Variants in IMMP2L observed in about 807,000 individuals in gnomAD.
The protein encoded by IMMP2L is mitochondrial inner membrane protease subunit 2.
A neutral mutation model predicts 19.3 loss-of-function variants in IMMP2L; 18 were observed. That is an observed-to-expected ratio of 0.93 (90% CI 0.64 to 1.38). IMMP2L has a LOEUF of 1.38. IMMP2L is among the 40% of genes most tolerant of loss of function. The probability of loss-of-function intolerance (pLI) is 0.00; values close to 1 mark genes in which losing one functional copy is unlikely to be tolerated. For missense variants in IMMP2L, 233 were observed against 218.2 expected, an observed-to-expected ratio of 1.07 and a Z score of -0.43; for synonymous variants, 76 against 73.0, an observed-to-expected ratio of 1.04 and a Z score of -0.21.
intron 1 of IMMP2L, among the ~76,000 whole-genome samples, chr7:111,534,788 G>A (rs1847730165): frequency 6.6e-6 from 1 of 152,140 alleles, no homozygotes; most frequent in South Asian, 2.1e-4. Context: ...TAAAGTGAAA[G>A]TCTCATTTGG....
intron 2 of IMMP2L, among the ~76,000 whole-genome samples, chr7:111,503,853 C>A (rs1350844286): frequency 6.6e-6 from 1 of 152,114 alleles, no homozygotes; most frequent in South Asian, 2.1e-4. Flanking sequence ...GACAAACCCA[C>A]AGCCAATATC....
At chr7:111,198,541 C>T (rs990885150) in intron 3 of IMMP2L, among the ~76,000 whole-genome samples, 1 of 152,150 alleles carries the variant, frequency 6.6e-6, no homozygotes, top group Admixed American at 6.5e-5. Context: ...TTCATACTTT[C>T]CAGCATGTAT....
At chr7:111,138,883 T>TA (rs1366461141) in intron 3 of IMMP2L, among the ~76,000 whole-genome samples, 1 of 152,134 alleles carries the variant, frequency 6.6e-6, no homozygotes, top group Non-Finnish European at 1.5e-5. Flanking sequence ...TAAAACCCTT[T>TA]AAGGCAACAG....
At chr7:110,888,645 C>A (rs763361402) in intron 4 of IMMP2L, among the ~76,000 whole-genome samples, 11 of 152,156 alleles carry the variant, frequency 7.2e-5, no homozygotes, top group Non-Finnish European at 1.0e-4. Context: ...GCAACAGCAT[C>A]ATAAAAGACC....
intron 3 of IMMP2L, among the ~76,000 whole-genome samples, chr7:111,071,862 C>T (rs1015371166): frequency 6.6e-6 from 1 of 152,030 alleles, no homozygotes; most frequent in Non-Finnish European, 1.5e-5. Flanking sequence ...ATACATTGTA[C>T]ATTTATAAAT....
chr7:110,951,538 G>GGTGTGTGTGTGTGT (rs10598353), intron 4 of IMMP2L, among the ~76,000 whole-genome samples: 1 of 149,650 alleles, frequency 6.7e-6, no homozygotes, highest in East Asian at 2.0e-4. Flanking sequence ...ATGTATATAT[G>GGTGTGTGTGTGTGT]GTGTGTGTGT....
At chr7:110,837,617 C>T (rs191905351) in intron 5 of IMMP2L, among the ~76,000 whole-genome samples, 334 of 152,130 alleles carry the variant, frequency 2.2e-3, no homozygotes, top group Admixed American at 5.4e-3. Flanking sequence ...ATTACTATTG[C>T]TGCCCGCCAT....
intron 2 of IMMP2L, among the ~76,000 whole-genome samples, chr7:111,504,659 A>G (rs1844682160): frequency 6.6e-6 from 1 of 152,158 alleles, no homozygotes; most frequent in African/African-American, 2.4e-5. Context: ...GCCCTCAGAA[A>G]TAATGCCGCA....
rs1190193296 is a variant in IMMP2L at position 110,924,375 on chromosome 7, T to C, written c.306-37680A>G. On this transcript the variant is annotated intron_variant, in intron 4 of 5. Coordinates refer to ENST00000405709, the MANE Select transcript of IMMP2L (RefSeq NM_032549.4). This position sits in a 1 kb window ranked among gnomAD's most constrained non-coding sequence, Gnocchi z 4.2. Reference sequence around the variant, plus strand: ...TCTAAGAAGTCCTCTGGAGGTTCCATTTCAGCGCTACCTTTGCCAACGGAG... The same window carrying C: ...TCTAAGAAGTCCTCTGGAGGTTCCACTTCAGCGCTACCTTTGCCAACGGAG... 6.6e-6 allele frequency among the ~76,000 whole-genome samples: 1 copy of C among 152,094 alleles called. No individual in the cohort carries two copies. The highest frequency in any genetic ancestry group is 1.5e-5 in the Non-Finnish European group (1 of 68,026).
intron 3 of IMMP2L, among the ~76,000 whole-genome samples, chr7:111,366,713 C>T (rs1238410101): frequency 1.3e-5 from 2 of 151,928 alleles, no homozygotes; most frequent in East Asian, 3.8e-4. Context: ...GCAATAATAT[C>T]TGAAACTTTC....
chr7:110,744,267 C>T (rs1184491495), intron 5 of IMMP2L, among the ~76,000 whole-genome samples: 1 of 152,200 alleles, frequency 6.6e-6, no homozygotes, highest in Non-Finnish European at 1.5e-5. Context: ...ATAGATATAA[C>T]CCCCACCTCC....
At chr7:110,857,124 T>C (rs551485733) in intron 5 of IMMP2L, among the ~76,000 whole-genome samples, 24 of 152,166 alleles carry the variant, frequency 1.6e-4, no homozygotes, top group Non-Finnish European at 2.5e-4. Flanking sequence ...TAGATAATAC[T>C]TTCTCTAAGG....
intron 5 of IMMP2L, among the ~76,000 whole-genome samples, chr7:110,675,727 C>T (rs937053378): frequency 6.6e-6 from 1 of 151,894 alleles, no homozygotes; most frequent in African/African-American, 2.4e-5. Context: ...AATTTGGTTC[C>T]TCATCAAAAT....
At chr7:111,160,527 C>T (rs1039642568) in intron 3 of IMMP2L, among the ~76,000 whole-genome samples, 1 of 151,884 alleles carries the variant, frequency 6.6e-6, no homozygotes, top group African/African-American at 2.4e-5. Flanking sequence ...TATGACTCAA[C>T]TGGCTCTTTA....
At chr7:111,221,360 G>A (rs571906216) in intron 3 of IMMP2L, among the ~76,000 whole-genome samples, 161 of 152,078 alleles carry the variant, frequency 1.1e-3, no homozygotes, top group Non-Finnish European at 1.6e-3. Flanking sequence ...ATATCTGTAC[G>A]TTATGACTGC....
At chr7:110,931,358 G>A (rs901534018) in intron 4 of IMMP2L, among the ~76,000 whole-genome samples, 17 of 152,118 alleles carry the variant, frequency 1.1e-4, no homozygotes, top group Non-Finnish European at 2.2e-4. Context: ...TAGTGTTCAG[G>A]TAATTTATCC....
chr7:111,083,481 CAGGAAGCAAAAGTTAAGCT>C (rs1365158197), intron 3 of IMMP2L, among the ~76,000 whole-genome samples: 1 of 152,114 alleles, frequency 6.6e-6, no homozygotes, highest in African/African-American at 2.4e-5. Flanking sequence ...TAAGCAAACA[CAGGAAGCAAAAGTTAAGCT>C]ATAAAACCCG....
chr7:111,188,783 T>C (rs1808550311), intron 3 of IMMP2L, among the ~76,000 whole-genome samples: 1 of 152,144 alleles, frequency 6.6e-6, no homozygotes, highest in African/African-American at 2.4e-5. Context: ...AAAAACTTGG[T>C]ATTACTGACA....
At chr7:111,206,075 C>G (rs537447078) in intron 3 of IMMP2L, among the ~76,000 whole-genome samples, 2 of 152,288 alleles carry the variant, frequency 1.3e-5, no homozygotes, top group East Asian at 3.9e-4. Flanking sequence ...GATACCAAAT[C>G]TGTTTTTCTA....
Sources: gnomAD v4.1 joint callset for allele counts (sites outside exome capture counted in the v4.1 genomes callset) on GRCh38, gnomAD v4.1.1 for gene constraint, Gnocchi (gnomAD v3.1) non-coding constraint, MANE v1.5 for transcripts, NCBI Gene and HGNC (gene_info 2026-07-23, HGNC 2026-07-21) for gene names.